Variants in ARL8A observed in about 807,000 individuals in gnomAD.
ARL8A encodes the protein ARF like GTPase 8A.
Under a neutral mutation model 31.2 loss-of-function variants are expected in ARL8A, and 10 were observed. The ratio of observed to expected loss-of-function variants is 0.32; its 90% CI spans 0.20 to 0.54. ARL8A has a LOEUF of 0.54. Ranked by LOEUF, ARL8A falls within the 20% of genes least tolerant of loss-of-function variation. The pLI, the probability that ARL8A is intolerant of heterozygous loss-of-function variation, is 0.93. For synonymous variants in ARL8A, 70 were observed against 86.9 expected (o/e 0.81, Z 1.08); for missense variants, 129 against 242.8 (o/e 0.53, Z 3.12).
rs1315751261 is a variant in ARL8A, at chr1:202,134,879, C to A, written c.511+271G>T. On this transcript the variant is annotated intron_variant, in intron 6 of 6. Coordinates refer to ENST00000272217, the MANE Select transcript of ARL8A (RefSeq NM_138795.4). The surrounding 1 kb of genome is among the most constrained non-coding windows in gnomAD (Gnocchi z 4.2). ...GAGACAGAGCCACAGCATGTCAGAG[C>A]CAGCAGGGACCTGAGAATCACCGGG... Among the ~76,000 whole-genome samples, 4 of 152,190 alleles carry A rather than the reference C, an allele frequency of 2.6e-5. No individual in the cohort carries two copies. The highest frequency in any genetic ancestry group is 2.6e-4 in the Admixed American group (4 of 15,278).
intron 3 of ARL8A, among the ~76,000 whole-genome samples, chr1:202,136,592 G>T (rs2147810887): frequency 6.7e-6 from 1 of 150,290 alleles, no homozygotes; most frequent in Middle Eastern, 3.7e-3. Flanking sequence ...TATTTTCTGA[G>T]GCAGGGTCTC....
Position 202,135,076 on chromosome 1 carries a change from A to C in ARL8A, c.511+74T>G. ...CTTTGGACTTCAGGGAAAGTTGTGG[A>C]GCGAGAACCTGAGAGCCACTAAAAC... is the stretch of plus-strand genomic sequence containing the variant. On this transcript the variant is annotated intron_variant, in intron 6 of 6. Transcript: ENST00000272217. This position sits in a 1 kb window ranked among gnomAD's most constrained non-coding sequence, Gnocchi z 5.3. 6.9e-7 allele frequency: 1 copy of C among 1,444,176 alleles called. No individual in the cohort carries two copies. Among genetic ancestry groups the C allele is most frequent in the Admixed American group, 1.7e-5 (1 of 58,994 alleles). 89.5% of individuals were successfully genotyped at this position (1,444,176 alleles called of 1,614,324 possible).
Position 202,137,628 on chromosome 1 carries a change from C to CA in ARL8A, c.278+336dup, listed in dbSNP as rs58646979. Among the ~76,000 whole-genome samples, 321 of 137,556 alleles carry CA rather than the reference C, an allele frequency of 2.3e-3. 2 individuals carry two copies. The highest frequency in any genetic ancestry group is 6.1e-3 in the African/African-American group (223 of 36,736). The allele number at this position is 137,556 out of a possible 152,430, so 90.2% of individuals were successfully genotyped here. Reference sequence around the variant, plus strand: ...GGGCAACAAGAGCGAAACTCCGTCTCAAAAAAAAAAAAAAGAATCATTTAA... The same window carrying CA: ...GGGCAACAAGAGCGAAACTCCGTCTCAAAAAAAAAAAAAAAGAATCATTTAA... On this transcript the variant is annotated intron_variant, in intron 3 of 6. Coordinates refer to ENST00000272217, the MANE Select transcript of ARL8A (RefSeq NM_138795.4).
intron 1 of ARL8A, among the ~76,000 whole-genome samples, chr1:202,139,400 C>T (rs901517381): frequency 6.6e-6 from 1 of 152,014 alleles, no homozygotes; most frequent in South Asian, 2.1e-4. Flanking sequence ...GGTGAAACCC[C>T]ATCTCTACTA....
chr1:202,135,354 C>T lies in ARL8A; in HGVS notation c.440+105G>A. ...GAGGTGCCTGAAAAGGTCGGCTCTG[C>T]TGCCACCGTGTGGCTAATACTAAGA... On this transcript the variant is annotated intron_variant, in intron 5 of 6. Coordinates refer to ENST00000272217, the MANE Select transcript of ARL8A (RefSeq NM_138795.4). The surrounding 1 kb of genome is among the most constrained non-coding windows in gnomAD (Gnocchi z 5.3). 1.3e-6 allele frequency: 2 copies of T among 1,498,956 alleles called. No individual in the cohort carries two copies. The highest frequency in any genetic ancestry group is 9.3e-7 in the Non-Finnish European group (1 of 1,076,188). The allele number at this position is 1,498,956 out of a possible 1,614,324, so 92.9% of individuals were successfully genotyped here.
At position 202,134,915 on chromosome 1, in the gene ARL8A, G is replaced by T. The variant is rs1169850196; in HGVS notation, c.511+235C>A. 6.6e-6 allele frequency among the ~76,000 whole-genome samples: 1 copy of T among 152,160 alleles called. No homozygotes were observed. Among genetic ancestry groups the T allele is most frequent in the Non-Finnish European group, 1.5e-5 (1 of 68,030 alleles). On this transcript the variant is annotated intron_variant, in intron 6 of 6. Coordinates refer to ENST00000272217, the MANE Select transcript of ARL8A (RefSeq NM_138795.4). The surrounding 1 kb of genome is among the most constrained non-coding windows in gnomAD (Gnocchi z 4.2). ...CTGAGAATCACCGGGTCCAGCCCTG[G>T]AATCTTAGAAACGAGGAGGTGAAGC...
In ARL8A at chr1:202,135,061, C is replaced by G. The variant is rs1205726283; in HGVS notation, c.511+89G>C. ...CCAAGAGCCACAGGGCTTTGGACTT[C>G]AGGGAAAGTTGTGGAGCGAGAACCT... On this transcript the variant is annotated intron_variant, in intron 6 of 6. Coordinates refer to ENST00000272217, the MANE Select transcript of ARL8A (RefSeq NM_138795.4). The surrounding 1 kb of genome is among the most constrained non-coding windows in gnomAD (Gnocchi z 5.3). 1.5e-6 allele frequency: 2 copies of G among 1,352,026 alleles called. No individual in the cohort carries two copies. The highest frequency in any genetic ancestry group is 1.4e-5 in the African/African-American group (1 of 69,328). The allele number at this position is 1,352,026 out of a possible 1,614,324, so 83.8% of individuals were successfully genotyped here.
chr1:202,139,481 G>A (rs1655107775), intron 1 of ARL8A, among the ~76,000 whole-genome samples: 1 of 151,612 alleles, frequency 6.6e-6, no homozygotes, highest in Admixed American at 6.6e-5. Flanking sequence ...GCTGAGGCAG[G>A]TGAATCGCTT....
rs1463336965 is a variant in ARL8A, at chr1:202,135,776, C to T, written c.303G>A (p.Gln101=). The change falls in exon 4 of 7, where the codon CAG becomes CAA. Residue 101 remains glutamine, a synonymous_variant. Transcript: ENST00000272217. The surrounding 1 kb of genome is among the most constrained non-coding windows in gnomAD (Gnocchi z 5.3). ...CGTTCTTAGAGGCCTCAATCTTCTCCTGGTCAGCAGCATCCACCATGTACC... is the reference window on the plus strand; with the variant it reads ...CGTTCTTAGAGGCCTCAATCTTCTCTTGGTCAGCAGCATCCACCATGTACC... The part of the protein sequence containing the change: ...AIVYMVDAAD[Q]EKIEASKNEL... 1.2e-6 allele frequency: 2 copies of T among 1,614,166 alleles called. No homozygotes were observed. The highest frequency in any genetic ancestry group is 2.2e-5 in the East Asian group (1 of 44,886).
At chr1:202,137,136 G>A (rs181490065) in intron 3 of ARL8A, among the ~76,000 whole-genome samples, 6 of 151,790 alleles carry the variant, frequency 4.0e-5, no homozygotes, top group Admixed American at 2.6e-4. Flanking sequence ...GATTACAGGC[G>A]TGAGCCACCG....
chr1:202,144,501 C>A lies in ARL8A; in HGVS notation c.72G>T (p.Thr24=). ...TGCCCGAGTACTGAAGCCCGACCAG[C>A]GTGAGCTCCATCTCCTCCTTCCAGA... ...ALFWKEEMEL[T]LVGLQYSGKT... The change falls in exon 1 of 7, where the codon ACG becomes ACT. Residue 24 remains threonine, a synonymous_variant. Transcript: ENST00000272217. This position sits in a 1 kb window ranked among gnomAD's most constrained non-coding sequence, Gnocchi z 5.2. 1 of 1,485,254 alleles carries A rather than the reference C, an allele frequency of 6.7e-7. No homozygotes were observed. The allele number at this position is 1,485,254 out of a possible 1,614,324, so 92.0% of individuals were successfully genotyped here.
rs1467990427 is a variant in ARL8A at position 202,134,159 on chromosome 1, A to G, written c.*308T>C. On this transcript the variant is annotated 3_prime_UTR_variant, in exon 7 of 7. Coordinates refer to ENST00000272217, the MANE Select transcript of ARL8A (RefSeq NM_138795.4). The surrounding 1 kb of genome is among the most constrained non-coding windows in gnomAD (Gnocchi z 4.2). The stretch of plus-strand genomic sequence containing the variant: ...AGAGTGTTGAAAAGGGAGGTACAAG[A>G]GCGGGCCGGGGAAAAGCCAGGGGCG... 2.3e-6 allele frequency: 1 copy of G among 433,248 alleles called. No individual in the cohort carries two copies. The highest frequency in any genetic ancestry group is 2.0e-5 in the African/African-American group (1 of 49,970). 26.8% of individuals were successfully genotyped at this position (433,248 alleles called of 1,614,324 possible). A position where few individuals can be genotyped will look rare whatever the true frequency, so the allele number is the denominator to read the frequency against.
chr1:202,134,271 A>G lies in ARL8A; in HGVS notation c.*196T>C, dbSNP rs2147809622. 1 of 568,468 alleles carries G rather than the reference A, an allele frequency of 1.8e-6. No individual in the cohort carries two copies. Among genetic ancestry groups the G allele is most frequent in the Non-Finnish European group, 3.1e-6 (1 of 318,362 alleles). 35.2% of individuals were successfully genotyped at this position (568,468 alleles called of 1,614,324 possible). ...GGGAAGGGTGAGAAGTTAGGGGACC[A>G]GAATGGGGGGCAATTTATTTTACAA... On this transcript the variant is annotated 3_prime_UTR_variant, in exon 7 of 7. Coordinates refer to ENST00000272217, the MANE Select transcript of ARL8A (RefSeq NM_138795.4). The surrounding 1 kb of genome is among the most constrained non-coding windows in gnomAD (Gnocchi z 4.2).
Position 202,138,322 on chromosome 1 carries a change from C to T in ARL8A, c.204+46G>A, listed in dbSNP as rs866886206. On this transcript the variant is annotated intron_variant, in intron 2 of 6. Transcript: ENST00000272217. The surrounding 1 kb of genome is among the most constrained non-coding windows in gnomAD (Gnocchi z 4.4). ...ACACACACACACACACACACACACA[C>T]ACACAAAAACAGTCCTCTGCACCCC... 3 of 1,257,216 alleles carry T rather than the reference C, an allele frequency of 2.4e-6. No homozygotes were observed. The highest frequency in any genetic ancestry group is 2.3e-6 in the Non-Finnish European group (2 of 875,608). The allele number at this position is 1,257,216 out of a possible 1,614,324, so 77.9% of individuals were successfully genotyped here. A position where few individuals can be genotyped will look rare whatever the true frequency, so the allele number is the denominator to read the frequency against.
Position 202,144,580 on chromosome 1 carries a change from G to A in ARL8A, c.-8C>T. 1.4e-6 allele frequency: 2 copies of A among 1,419,620 alleles called. No homozygotes were observed. The highest frequency in any genetic ancestry group is 3.8e-5 in the East Asian group (1 of 26,160). The allele number at this position is 1,419,620 out of a possible 1,614,324, so 87.9% of individuals were successfully genotyped here. ...GTTGAACAAAGCGATCATGGTCGCT[G>A]CCGCCGGCCCCGCCCGGTGCCAGGT... On this transcript the variant is annotated 5_prime_UTR_variant, in exon 1 of 7. Transcript: ENST00000272217. This position sits in a 1 kb window ranked among gnomAD's most constrained non-coding sequence, Gnocchi z 5.2.
Position 202,134,563 on chromosome 1 carries a change from C to T in ARL8A, c.512-47G>A, listed in dbSNP as rs200817993. On this transcript the variant is annotated intron_variant, in intron 6 of 6. Transcript: ENST00000272217. The surrounding 1 kb of genome is among the most constrained non-coding windows in gnomAD (Gnocchi z 4.2). ...GCTTATAAGGCCTGCAAGTACTGGC[C>T]GTGCTGGGGCAGCAGAGAGGCCCAA... is the stretch of plus-strand genomic sequence containing the variant. 7.0e-6 allele frequency: 11 copies of T among 1,561,656 alleles called. No homozygotes were observed. The highest frequency in any genetic ancestry group is 6.7e-5 in the Admixed American group (4 of 59,894).
intron 1 of ARL8A, among the ~76,000 whole-genome samples, chr1:202,141,440 G>A (rs1480812898): frequency 3.9e-5 from 6 of 151,944 alleles, no homozygotes; most frequent in African/African-American, 9.7e-5. Flanking sequence ...TCAGGGGTTC[G>A]AGACCAGCCT....
chr1:202,133,617 G>A lies in ARL8A; in HGVS notation c.*850C>T, dbSNP rs1228090592. Reference sequence around the variant, plus strand: ...ACCCCCCATGCTGAGTTCTCTCCTTGTGCAACTCTGCAAAATGAGAACAGA... The same window carrying A: ...ACCCCCCATGCTGAGTTCTCTCCTTATGCAACTCTGCAAAATGAGAACAGA... On this transcript the variant is annotated 3_prime_UTR_variant, in exon 7 of 7. Transcript: ENST00000272217. 6.6e-6 allele frequency: 1 copy of A among 152,172 alleles called. No individual in the cohort carries two copies. The highest frequency in any genetic ancestry group is 1.5e-5 in the Non-Finnish European group (1 of 68,046). 9.4% of individuals were successfully genotyped at this position (152,172 alleles called of 1,614,324 possible).
chr1:202,136,205 G>T (rs1195859152), intron 3 of ARL8A, among the ~76,000 whole-genome samples: 2 of 152,156 alleles, frequency 1.3e-5, no homozygotes, highest in African/African-American at 4.8e-5. Flanking sequence ...TTTGTTATCA[G>T]GTTAAAAAGC....
Sources: allele counts gnomAD v4.1 joint callset (sites outside exome capture counted in the v4.1 genomes callset), GRCh38; gene constraint gnomAD v4.1.1; non-coding constraint Gnocchi (gnomAD v3.1); transcripts MANE v1.5; gene names NCBI Gene and HGNC (gene_info 2026-07-23, HGNC 2026-07-21).